Variants in AGL observed in about 807,000 individuals in gnomAD.
AGL encodes amylo-alpha-1,6-glucosidase and 4-alpha-glucanotransferase.
In AGL, 128 loss-of-function variants were observed where a neutral mutation model predicts 199.3. The ratio of observed to expected loss-of-function variants is 0.64; its 90% confidence interval spans 0.56 to 0.74. The LOEUF is 0.74. Among genes scored for constraint, AGL ranks in the 30% least tolerant of loss-of-function variants. AGL has a pLI of 0.00. For synonymous variants in AGL, 584 were observed against 594.7 expected, an observed-to-expected ratio of 0.98 and a Z score of 0.26; for missense variants, 1,809 against 1,820.8, an observed-to-expected ratio of 0.99 and a Z score of 0.12.
chr1:99,912,381 TA>T (rs757012365), intron 28 of AGL, 23 bp from the exon 29 acceptor site: 2 of 1,596,994 alleles, frequency 1.3e-6, no homozygotes, highest in Non-Finnish European at 1.7e-6. Flanking sequence ...ACTTAAAGAA[TA>T]AAAATACGTT....
At chr1:99,900,308 C>T (rs112580210) in intron 25 of AGL, among the ~76,000 whole-genome samples, 46 of 152,222 alleles carry the variant, frequency 3.0e-4, no homozygotes, top group African/African-American at 1.1e-3. Context: ...ATAGTTACTT[C>T]GATTTTGAAA....
chr1:99,920,279 G>A (rs1655425404), intron 33 of AGL, among the ~76,000 whole-genome samples: 2 of 152,182 alleles, frequency 1.3e-5, no homozygotes, highest in Admixed American at 1.3e-4. Context: ...GCAGAGCCAT[G>A]CTCCCTCTGA....
chr1:99,867,135 A>G (rs1456053634), intron 5 of AGL, among the ~76,000 whole-genome samples: 1 of 152,226 alleles, frequency 6.6e-6, no homozygotes. Flanking sequence ...CTTTTAAAAA[A>G]GTATTATCTA....
intron 26 of AGL, among the ~76,000 whole-genome samples, chr1:99,901,433 T>C (rs1331321530): frequency 6.8e-6 from 1 of 147,634 alleles, no homozygotes; most frequent in African/African-American, 2.5e-5. Context: ...GGTTGCATAG[T>C]GGATTGAAGC....
chr1:99,891,123 A>G, intron 21 of AGL, 97 bp from the exon 22 acceptor site: 1 of 1,504,094 alleles, frequency 6.6e-7, no homozygotes, highest in South Asian at 1.1e-5. Context: ...ATTCACCCCA[A>G]ATCACTAGAA....
rs1365677060 is a variant in AGL at position 99,862,325 on chromosome 1, T to G, written c.362T>G (p.Val121Gly). ...PILRVGADNH[V>G]LPLDCVTLQT... ...TTACGTGTTGGTGCTGATAATCATG[T>G]GCTACCCTTGGACTGTGTTACTCTT... The change falls in exon 4 of 34, where the codon GTG (valine) becomes GGG (glycine). Residue 121 changes from valine (V) to glycine (G), a missense_variant. Physicochemically the swap from Val to Gly is moderately radical, Grantham distance 109. Coordinates refer to ENST00000361915, the MANE Select transcript of AGL (RefSeq NM_000642.3). The G allele has an allele frequency of 6.2e-7, 1 of 1,614,128 alleles. No homozygotes were observed. Among genetic ancestry groups the G allele is most frequent in the Non-Finnish European group, 8.5e-7 (1 of 1,179,990 alleles).
rs1286941369 is a variant in AGL, at chr1:99,879,920, C to T, written c.1612-3C>T. ...GTTACATTTGTCACTGTGCTTTTTA[C>T]AGTACATGTTGGATGCTGCTAGGAA... On this transcript the variant is annotated splice_region_variant and splice_polypyrimidine_tract_variant and intron_variant, in intron 12 of 33. Coordinates refer to ENST00000361915, the MANE Select transcript of AGL (RefSeq NM_000642.3). 4 of 1,608,802 alleles carry T rather than the reference C, an allele frequency of 2.5e-6. No individual in the cohort carries two copies. Among genetic ancestry groups the T allele is most frequent in the East Asian group, 2.2e-5 (1 of 44,734 alleles).
At chr1:99,891,908 A>G (rs1652926958) in intron 23 of AGL, among the ~76,000 whole-genome samples, 169 bp downstream of exon 23, 2 of 152,182 alleles carry the variant, frequency 1.3e-5, no homozygotes, top group African/African-American at 4.8e-5. Flanking sequence ...TGTAGCATAC[A>G]AAAACAAACT....
chr1:99,889,447 T>G (rs919462605), intron 21 of AGL, among the ~76,000 whole-genome samples: 2 of 152,166 alleles, frequency 1.3e-5, no homozygotes, highest in Non-Finnish European at 2.9e-5. Flanking sequence ...ACATGGTGGC[T>G]TCCACCTGTA....
At chr1:99,862,190 A>T (rs1650099901) in intron 3 of AGL, 67 bp from the exon 4 acceptor site, 2 of 1,425,506 alleles carry the variant, frequency 1.4e-6, no homozygotes, top group African/African-American at 1.4e-5. Flanking sequence ...TTAGAGTCAG[A>T]CTATATTATA....
intron 5 of AGL, among the ~76,000 whole-genome samples, chr1:99,867,381 A>G (rs1028325848): frequency 2.0e-5 from 3 of 152,126 alleles, no homozygotes; most frequent in African/African-American, 7.2e-5. Context: ...TGCCTCTGTT[A>G]TGGAAGCTGT....
At chr1:99,874,885 A>AG in intron 8 of AGL, 75 bp downstream of exon 8, 1 of 1,512,954 alleles carries the variant, frequency 6.6e-7, no homozygotes, top group Non-Finnish European at 9.1e-7. Flanking sequence ...TTTTCATACT[A>AG]CTTATTAAAA....
chr1:99,876,683 C>G, intron 11 of AGL, 86 bp downstream of exon 11: 1 of 1,447,086 alleles, frequency 6.9e-7, no homozygotes, highest in South Asian at 1.1e-5. Context: ...GATTTTCTTC[C>G]CCATTAGTCT....
intron 2 of AGL, among the ~76,000 whole-genome samples, chr1:99,851,530 C>A (rs998437679): frequency 6.6e-6 from 1 of 152,092 alleles, no homozygotes; most frequent in Non-Finnish European, 1.5e-5. Flanking sequence ...CTTTGTTGAA[C>A]CTTTGAATTG....
chr1:99,852,538 T>TG (rs1342379523), intron 2 of AGL: 3 of 348,600 alleles, frequency 8.6e-6, no homozygotes, highest in Non-Finnish European at 1.6e-5. Context: ...CCCCGCTAAT[T>TG]TTTTTTTTTT....
chr1:99,864,331 A>G (rs1428492895), intron 4 of AGL, 55 bp from the exon 5 acceptor site: 2 of 1,428,164 alleles, frequency 1.4e-6, no homozygotes, highest in African/African-American at 1.4e-5. Flanking sequence ...TCTTCATTTT[A>G]GGCTGGTTTT....
Position 99,922,486 on chromosome 1 carries a change from G to A in AGL, c.*835G>A, listed in dbSNP as rs969487162. ...AAAAATCTATTGCTAGATCATAGTA[G>A]ATACTGGTTTTCTATTAACTCAAAA... On this transcript the variant is annotated 3_prime_UTR_variant, in exon 34 of 34. Transcript: ENST00000361915. The A allele has an allele frequency of 3.3e-5, 5 of 151,712 alleles. No individual in the cohort carries two copies. The highest frequency in any genetic ancestry group is 1.2e-4 in the African/African-American group (5 of 41,426). 9.4% of individuals were successfully genotyped at this position (151,712 alleles called of 1,614,324 possible). A position where few individuals can be genotyped will look rare whatever the true frequency, so the allele number is the denominator to read the frequency against.
intron 4 of AGL, among the ~76,000 whole-genome samples, chr1:99,863,647 G>T (rs926625474): frequency 5.3e-5 from 8 of 151,442 alleles, no homozygotes; most frequent in African/African-American, 1.7e-4. Flanking sequence ...TAGAGACAGG[G>T]TTTCACGGTG....
chr1:99,882,377 G>A (rs988076119), intron 17 of AGL, among the ~76,000 whole-genome samples: 3 of 152,034 alleles, frequency 2.0e-5, no homozygotes, highest in African/African-American at 7.2e-5. Context: ...GTGTATATAT[G>A]CACAAACATA....
Sources: gnomAD v4.1 joint callset for allele counts (sites outside exome capture counted in the v4.1 genomes callset) on GRCh38, gnomAD v4.1.1 for gene constraint, MANE v1.5 for transcripts, NCBI Gene and HGNC (gene_info 2026-07-23, HGNC 2026-07-21) for gene names.